Variants in COL15A1 observed in about 807,000 individuals in gnomAD.
COL15A1 encodes the protein collagen alpha-1(XV) chain.
In COL15A1, 111 loss-of-function variants were observed where a neutral mutation model predicts 165.9. That is an observed-to-expected ratio of 0.67 (90% CI 0.57 to 0.78). The LOEUF (loss-of-function observed/expected upper bound fraction) is 0.78. Ranked by LOEUF, COL15A1 falls within the 30% of genes least tolerant of loss-of-function variation. COL15A1 has a pLI of 0.00. For missense variants in COL15A1, 1,745 were observed against 1,789.7 expected (o/e 0.98, Z 0.45); for synonymous variants, 659 against 674.8 (o/e 0.98, Z 0.36).
intron 22 of COL15A1, among the ~76,000 whole-genome samples, chr9:99,039,509 A>G (rs1055271359): frequency 1.3e-5 from 2 of 152,246 alleles, no homozygotes; most frequent in African/African-American, 4.8e-5. Flanking sequence ...ACTCTATCTC[A>G]AAACAAACAA....
At position 98,954,435 on chromosome 9, in the gene COL15A1, T is replaced by C. The variant is rs577081018; in HGVS notation, c.100+10185T>C. On this transcript the variant is annotated intron_variant, in intron 2 of 41. Coordinates refer to ENST00000375001, the MANE Select transcript of COL15A1 (RefSeq NM_001855.5). ...AACATTCTGTACATTGCATTTAGTG[T>C]TTAGTTGATGGCTTTTTTCCCCCTT... is the stretch of plus-strand genomic sequence containing the variant. Among the ~76,000 whole-genome samples, 11 of 152,302 alleles carry C rather than the reference T, an allele frequency of 7.2e-5. No homozygotes were observed. The East Asian group carries it at 1.9e-3, about 27-fold the overall frequency.
intron 12 of COL15A1, 41 bp from the exon 13 acceptor site, chr9:99,022,050 A>G: frequency 6.2e-7 from 1 of 1,612,622 alleles, no homozygotes; most frequent in South Asian, 1.1e-5. Context: ...GATGGTAGGA[A>G]CAGAGTTCCA....
chr9:98,962,240 C>T (rs1837876735), intron 2 of COL15A1, among the ~76,000 whole-genome samples: 1 of 152,156 alleles, frequency 6.6e-6, no homozygotes, highest in Non-Finnish European at 1.5e-5. Flanking sequence ...GGAGGAATAA[C>T]TCGGGTGGGA....
At chr9:99,056,137 A>G in intron 34 of COL15A1, 123 bp from the exon 35 acceptor site, 2 of 1,046,116 alleles carry the variant, frequency 1.9e-6, no homozygotes, top group Non-Finnish European at 2.9e-6. Context: ...CCCAAGATTG[A>G]GGATAGTAAT....
At chr9:99,033,008 A>G (rs929555177) in intron 16 of COL15A1, among the ~76,000 whole-genome samples, 6 of 152,130 alleles carry the variant, frequency 3.9e-5, no homozygotes, top group Non-Finnish European at 7.4e-5. Flanking sequence ...TCTTAACTCC[A>G]TTTCCTTGGA....
intron 2 of COL15A1, among the ~76,000 whole-genome samples, chr9:98,973,693 T>C (rs1838098434): frequency 6.6e-6 from 1 of 152,218 alleles, no homozygotes; most frequent in Admixed American, 6.5e-5. Context: ...ACAGTGCTCC[T>C]TGCCTCTGGC....
Position 99,049,581 on chromosome 9 carries a change from G to A in COL15A1, c.2794-109G>A. ...CCTGAGCAACCTGAGAGAGAAGTTG[G>A]TTGGCTTCAGCAGACCCTCCTTTCC... On this transcript the variant is annotated intron_variant, in intron 28 of 41. Coordinates refer to ENST00000375001, the MANE Select transcript of COL15A1 (RefSeq NM_001855.5). 3 of 1,399,534 alleles carry A rather than the reference G, an allele frequency of 2.1e-6. No individual in the cohort carries two copies. The South Asian group carries it at 3.8e-5, about 18-fold the overall frequency. 86.7% of individuals were successfully genotyped at this position (1,399,534 alleles called of 1,614,324 possible).
At chr9:98,955,936 A>C (rs1328115630) in intron 2 of COL15A1, among the ~76,000 whole-genome samples, 1 of 152,268 alleles carries the variant, frequency 6.6e-6, no homozygotes, top group Admixed American at 6.5e-5. Context: ...TCAAGTTGGC[A>C]GGAGAGCCAG....
intron 2 of COL15A1, among the ~76,000 whole-genome samples, chr9:98,951,279 C>T (rs1345566103): frequency 6.6e-6 from 1 of 152,110 alleles, no homozygotes; most frequent in Non-Finnish European, 1.5e-5. Flanking sequence ...GGCAATATTT[C>T]CCCCCAAAGA....
At chr9:98,945,091 G>A (rs1837556986) in intron 2 of COL15A1, among the ~76,000 whole-genome samples, 1 of 152,166 alleles carries the variant, frequency 6.6e-6, no homozygotes, top group African/African-American at 2.4e-5. Flanking sequence ...GAAATAATGT[G>A]CTTCCCATGA....
chr9:98,967,562 T>C (rs370978906), intron 2 of COL15A1, among the ~76,000 whole-genome samples: 24 of 152,336 alleles, frequency 1.6e-4, no homozygotes, highest in East Asian at 1.3e-3. Context: ...GATCTAGTGA[T>C]TCAGGGGACT....
intron 2 of COL15A1, among the ~76,000 whole-genome samples, chr9:98,958,152 T>C (rs909338510): frequency 5.3e-5 from 8 of 152,272 alleles, no homozygotes; most frequent in African/African-American, 1.9e-4. Context: ...AGCCTTAACA[T>C]TCCTTTGCTC....
intron 2 of COL15A1, among the ~76,000 whole-genome samples, chr9:98,975,738 A>G (rs537082392): frequency 6.6e-6 from 1 of 152,266 alleles, no homozygotes; most frequent in African/African-American, 2.4e-5. Flanking sequence ...ACTAGATTTG[A>G]GGGAGGGAGG....
intron 39 of COL15A1, among the ~76,000 whole-genome samples, chr9:99,065,369 G>C (rs1004237993): frequency 1.3e-5 from 2 of 152,120 alleles, no homozygotes; most frequent in African/African-American, 2.4e-5. Flanking sequence ...AGACCATAGG[G>C]CTTCTTCCCT....
chr9:99,044,749 G>A lies in COL15A1; in HGVS notation c.2658G>A (p.Met886Ile), dbSNP rs202203927. The change falls in exon 26 of 42, where the codon ATG (methionine) becomes ATA (isoleucine). Residue 886 changes from methionine (M) to isoleucine (I), a missense_variant. Met to Ile is a conservative substitution (Grantham distance 10). Coordinates refer to ENST00000375001, the MANE Select transcript of COL15A1 (RefSeq NM_001855.5). ...RLMGKKGEPGMHGAPGPMGPK... is the reference protein window; with the variant it reads ...RLMGKKGEPGIHGAPGPMGPK... Reference sequence around the variant, plus strand: ...TCCTGTTTTAGGGTGAACCTGGAATGCATGGAGCCCCAGGACCAATGGTAA... The same window carrying A: ...TCCTGTTTTAGGGTGAACCTGGAATACATGGAGCCCCAGGACCAATGGTAA... 1.9e-6 allele frequency: 3 copies of A among 1,613,922 alleles called. No individual in the cohort carries two copies. Among genetic ancestry groups the A allele is most frequent in the Non-Finnish European group, 2.5e-6 (3 of 1,179,770 alleles).
rs747063434 is a variant in COL15A1, at chr9:99,023,398, G to A, written c.1803G>A (p.Ser601=). Residue 601 remains serine (S), a synonymous_variant, in exon 14 of 42, where the codon TCG becomes TCA. Transcript: ENST00000375001. ...AGGGCTCTGGCCTAGGCTGGGGCTCGGACGTCGGCTCTGGCTCTGGTGACC... is the reference window on the plus strand; with the variant it reads ...AGGGCTCTGGCCTAGGCTGGGGCTCAGACGTCGGCTCTGGCTCTGGTGACC... ...EAEGSGLGWG[S]DVGSGSGDLV... 20 of 1,606,986 alleles carry A rather than the reference G, an allele frequency of 1.2e-5. No individual in the cohort carries two copies. The highest frequency in any genetic ancestry group is 4.5e-5 in the East Asian group (2 of 44,814).
intron 16 of COL15A1, among the ~76,000 whole-genome samples, chr9:99,029,400 C>G (rs1839178687): frequency 6.6e-6 from 1 of 152,244 alleles, no homozygotes; most frequent in African/African-American, 2.4e-5. Context: ...AGATCATCAT[C>G]ACCTTCCCTT....
At chr9:99,029,039 A>T (rs140249164) in intron 16 of COL15A1, among the ~76,000 whole-genome samples, 511 of 152,342 alleles carry the variant, frequency 3.4e-3, no homozygotes, top group African/African-American at 0.011. Context: ...GAATGTTTCT[A>T]GAAAGAATGC....
At chr9:99,068,291 C>A (rs751701559) in intron 40 of COL15A1, among the ~76,000 whole-genome samples, 38 of 152,002 alleles carry the variant, frequency 2.5e-4, no homozygotes, top group Middle Eastern at 6.8e-3. Flanking sequence ...CATGAAGAAA[C>A]CCTGCCTCTA....
Sources: gnomAD v4.1 joint callset for allele counts (sites outside exome capture counted in the v4.1 genomes callset) on GRCh38, gnomAD v4.1.1 for gene constraint, MANE v1.5 for transcripts, NCBI Gene and HGNC (gene_info 2026-07-23, HGNC 2026-07-21) for gene names.